Variants in LAMB1 observed in about 807,000 individuals in gnomAD.
The protein encoded by LAMB1 is laminin subunit beta 1, also known as laminin subunit beta-1.
LAMB1 carries 121 observed loss-of-function variants against 222.3 expected under a neutral mutation model. The observed-to-expected ratio is 0.54, with a 90% CI of 0.47 to 0.63. The LOEUF is 0.63. LAMB1 is among the 30% of genes least tolerant of loss of function. LAMB1 has a pLI of 0.00. For missense variants in LAMB1, 2,172 were observed against 2,240.8 expected, an observed-to-expected ratio of 0.97 and a Z score of 0.62; for synonymous variants, 794 against 807.2, an observed-to-expected ratio of 0.98 and a Z score of 0.28.
intron 27 of LAMB1, among the ~76,000 whole-genome samples, chr7:107,933,573 T>G (rs1039867531): frequency 2.0e-5 from 3 of 151,964 alleles, no homozygotes; most frequent in South Asian, 4.1e-4. Flanking sequence ...ATAGAAGATC[T>G]GTTTTGTTTC....
chr7:107,979,193 G>A (rs1311385197), intron 8 of LAMB1, among the ~76,000 whole-genome samples: 1 of 152,040 alleles, frequency 6.6e-6, no homozygotes, highest in Non-Finnish European at 1.5e-5. Context: ...AATCTACCTA[G>A]CATTCTGAAA....
chr7:107,929,364 A>G, intron 30 of LAMB1, 48 bp downstream of exon 30: 1 of 1,558,154 alleles, frequency 6.4e-7, no homozygotes, highest in South Asian at 1.1e-5. Flanking sequence ...TTTTTACTCC[A>G]TGATAGATAC....
chr7:107,989,686 C>G (rs2034144127), intron 5 of LAMB1, among the ~76,000 whole-genome samples: 1 of 152,134 alleles, frequency 6.6e-6, no homozygotes, highest in African/African-American at 2.4e-5. Context: ...TGCCACGTAC[C>G]ATGGCAAACT....
intron 11 of LAMB1, 36 bp from the exon 12 acceptor site, chr7:107,975,134 C>A: frequency 6.6e-7 from 1 of 1,526,068 alleles, no homozygotes; most frequent in Non-Finnish European, 9.1e-7. Context: ...GAAACACAGA[C>A]CACGTGAGTT....
At chr7:107,964,406 T>G in intron 14 of LAMB1, 146 bp downstream of exon 14, 1 of 938,612 alleles carries the variant, frequency 1.1e-6, no homozygotes, top group Non-Finnish European at 1.6e-6. Flanking sequence ...ATGACTCTTC[T>G]CAGGAAGGCA....
chr7:107,954,011 G>T (rs1200274646), intron 21 of LAMB1, among the ~76,000 whole-genome samples: 1 of 152,150 alleles, frequency 6.6e-6, no homozygotes. Context: ...CTCTAACAGT[G>T]TTGCAACTGC....
intron 25 of LAMB1, among the ~76,000 whole-genome samples, chr7:107,939,706 A>T (rs982119014): frequency 1.3e-5 from 2 of 152,122 alleles, no homozygotes; most frequent in Non-Finnish European, 2.9e-5. Flanking sequence ...CATTCCTCCC[A>T]TTTTACTGAC....
Position 107,959,852 on chromosome 7 carries a change from C to A in LAMB1, c.2315-18G>T, listed in dbSNP as rs770852796. 3.1e-6 allele frequency: 5 copies of A among 1,608,630 alleles called. No homozygotes were observed. The East Asian group carries it at 1.1e-4, about 36-fold the overall frequency. On this transcript the variant is annotated intron_variant, in intron 18 of 33. Coordinates refer to ENST00000222399, the MANE Select transcript of LAMB1 (RefSeq NM_002291.3). ...TTCACAAGCTGTGGGTAAAGAGAGGCCAGAACCCATGACACGGAGCAGCAC... is the reference window on the plus strand; with the variant it reads ...TTCACAAGCTGTGGGTAAAGAGAGGACAGAACCCATGACACGGAGCAGCAC...
rs764700603 is a variant in LAMB1, at chr7:108,001,663, A to G, written c.108T>C (p.Tyr36=). ...FSYGCAEGSC[Y]PATGDLLIGR... ...CGATGAGAAGGTCGCCCGTGGCGGG[A>G]TAGCAGCTGCCTTCTGCGCAGCCGT... Residue 36 remains tyrosine, a synonymous_variant, in exon 3 of 34, where the codon TAT becomes TAC. Coordinates refer to ENST00000222399, the MANE Select transcript of LAMB1 (RefSeq NM_002291.3). 1.2e-6 allele frequency: 2 copies of G among 1,612,448 alleles called. No individual in the cohort carries two copies. The highest frequency in any genetic ancestry group is 8.5e-7 in the Non-Finnish European group (1 of 1,179,736).
At chr7:107,988,509 T>C (rs190482898) in intron 5 of LAMB1, among the ~76,000 whole-genome samples, 2 of 152,282 alleles carry the variant, frequency 1.3e-5, no homozygotes, top group Middle Eastern at 3.4e-3. Context: ...GAAAAACGTA[T>C]CAACCAGGGG....
chr7:108,003,046 T>G, intron 1 of LAMB1, 65 bp downstream of exon 1: 3 of 1,420,294 alleles, frequency 2.1e-6, no homozygotes, highest in South Asian at 1.5e-5. Context: ...TTCCTGTCGC[T>G]CCCACGGAAG....
At chr7:107,973,648 TTTTA>T (rs761549611) in intron 12 of LAMB1, among the ~76,000 whole-genome samples, 107 of 152,202 alleles carry the variant, frequency 7.0e-4, no homozygotes, top group Non-Finnish European at 1.1e-3. Flanking sequence ...CACCAATTTA[TTTTA>T]TTTATTTTTT....
chr7:107,973,451 C>G (rs2033789797), intron 12 of LAMB1, among the ~76,000 whole-genome samples: 1 of 152,084 alleles, frequency 6.6e-6, no homozygotes, highest in African/African-American at 2.4e-5. Flanking sequence ...TTCAGTCTGT[C>G]ATCAATCCCA....
chr7:107,948,361 G>T (rs909617125), intron 24 of LAMB1, among the ~76,000 whole-genome samples: 1 of 152,074 alleles, frequency 6.6e-6, no homozygotes, highest in Non-Finnish European at 1.5e-5. Flanking sequence ...AACACTTTGG[G>T]GAAAGGGGCT....
At chr7:107,982,284 G>A (rs144717741) in intron 7 of LAMB1, among the ~76,000 whole-genome samples, 107 of 152,248 alleles carry the variant, frequency 7.0e-4, no homozygotes, top group African/African-American at 2.5e-3. Flanking sequence ...AGCCTGAAAC[G>A]GTTCTTTACT....
In LAMB1 at chr7:107,955,988, C is replaced by T. The variant is rs184825742; in HGVS notation, c.2691-358G>A. Among the ~76,000 whole-genome samples the T allele has an allele frequency of 2.0e-5, 3 of 152,326 alleles. No homozygotes were observed. The East Asian group carries it at 5.8e-4, about 29-fold the overall frequency. On this transcript the variant is annotated intron_variant, in intron 20 of 33. Coordinates refer to ENST00000222399, the MANE Select transcript of LAMB1 (RefSeq NM_002291.3). The stretch of plus-strand genomic sequence containing the variant: ...TCTCAGCACGCTGCAACCTCCACCT[C>T]CTGGTTCAAACAATTCTCCTGCCTC...
chr7:107,924,443 C>CACT, intron 32 of LAMB1, 54 bp from the exon 33 acceptor site: 1 of 1,379,312 alleles, frequency 7.2e-7, no homozygotes, highest in Non-Finnish European at 1.0e-6. Context: ...TCAGTAATTA[C>CACT]ATTTAAGAGC....
intron 26 of LAMB1, 75 bp downstream of exon 26, chr7:107,937,018 A>C: frequency 8.1e-7 from 1 of 1,237,626 alleles, no homozygotes; most frequent in African/African-American, 1.5e-5. Context: ...TTTTTTCCCC[A>C]AAAGTGCTAT....
chr7:108,002,619 G>GCCGGGGCTTGGGCGCAGAGC (rs2034413388), intron 2 of LAMB1, among the ~76,000 whole-genome samples: 1 of 152,222 alleles, frequency 6.6e-6, no homozygotes, highest in African/African-American at 2.4e-5. Context: ...GGCCGCAGGG[G>GCCGGGGCTTGGGCGCAGAGC]CCGGGGCTTG....
Sources: gnomAD v4.1 joint callset for allele counts (sites outside exome capture counted in the v4.1 genomes callset) on GRCh38, gnomAD v4.1.1 for gene constraint, MANE v1.5 for transcripts, NCBI Gene and HGNC (gene_info 2026-07-23, HGNC 2026-07-21) for gene names.